Variants in VEPH1 observed in about 807,000 individuals in gnomAD.
The protein encoded by VEPH1 is ventricular zone expressed PH domain containing 1.
Under a neutral mutation model 85.2 loss-of-function variants are expected in VEPH1, and 80 were observed. The observed-to-expected ratio is 0.94, with a 90% CI of 0.78 to 1.13. The LOEUF is 1.13. Among genes scored for constraint, VEPH1 ranks in the 50% most tolerant of loss-of-function variants. VEPH1 has a pLI of 0.00. For synonymous variants in VEPH1, 297 were observed against 348.0 expected (o/e 0.85, Z 1.63); for missense variants, 955 against 980.5 (o/e 0.97, Z 0.35).
chr3:157,337,934 C>A (rs1230577752), intron 9 of VEPH1, among the ~76,000 whole-genome samples: 1 of 151,686 alleles, frequency 6.6e-6, no homozygotes, highest in African/African-American at 2.4e-5. Flanking sequence ...TCTTCAGTTA[C>A]CACTCTGGTT....
intron 6 of VEPH1, among the ~76,000 whole-genome samples, chr3:157,405,526 G>C (rs770708975): frequency 3.3e-5 from 5 of 152,098 alleles, no homozygotes; most frequent in Non-Finnish European, 5.9e-5. Flanking sequence ...CCAGCCCACT[G>C]TCCAGCCGCA....
intron 2 of VEPH1, among the ~76,000 whole-genome samples, chr3:157,473,067 C>CTTTTTTTT (rs200991031): frequency 1.1e-4 from 9 of 82,692 alleles, no homozygotes; most frequent in Non-Finnish European, 1.7e-4. Context: ...TTAAATGAAC[C>CTTTTTTTT]TTTTTTTTTT....
chr3:157,408,490 C>T (rs1309323958), intron 6 of VEPH1, among the ~76,000 whole-genome samples: 1 of 152,110 alleles, frequency 6.6e-6, no homozygotes, highest in Non-Finnish European at 1.5e-5. Context: ...TTCTCAAGTA[C>T]TCATTCAGTC....
intron 1 of VEPH1, 61 bp from the exon 2 acceptor site, chr3:157,495,567 G>A (rs1739599397): frequency 5.3e-6 from 6 of 1,121,742 alleles, no homozygotes; most frequent in South Asian, 4.7e-5. Context: ...CTCAGAATGT[G>A]AACTCAGTGT....
chr3:157,490,022 GA>G (rs1442705193), intron 2 of VEPH1, among the ~76,000 whole-genome samples: 1 of 151,672 alleles, frequency 6.6e-6, no homozygotes, highest in African/African-American at 2.4e-5. Context: ...ACATTCTTAG[GA>G]AAAATATCAT....
rs1560000948 is a variant in VEPH1 at position 157,369,179 on chromosome 3, T to TAAAAAAAAAAA, written c.1128-4668_1128-4667insTTTTTTTTTTT. On this transcript the variant is annotated intron_variant, in intron 7 of 13. Transcript: ENST00000362010. ...AACAACAACAACAACAAAAACCAAA[T>TAAAAAAAAAAA]GAAAAAAAAAAAAAAAAAAAAAAAA... Among the ~76,000 whole-genome samples, 4 of 15,054 alleles carry TAAAAAAAAAAA rather than the reference T, an allele frequency of 2.7e-4. 1 individual carries two copies. Among genetic ancestry groups the TAAAAAAAAAAA allele is most frequent in the Admixed American group, 1.1e-3 (1 of 882 alleles). The allele number at this position is 15,054 out of a possible 152,430, so 9.9% of individuals were successfully genotyped here. A position where few individuals can be genotyped will look rare whatever the true frequency, so the allele number is the denominator to read the frequency against.
chr3:157,447,000 A>G (rs1734602527), intron 4 of VEPH1, among the ~76,000 whole-genome samples: 1 of 152,264 alleles, frequency 6.6e-6, no homozygotes, highest in Non-Finnish European at 1.5e-5. Context: ...ATAATTTTCA[A>G]AAAAGTGTTT....
intron 9 of VEPH1, among the ~76,000 whole-genome samples, chr3:157,323,716 A>G (rs1460102185): frequency 6.6e-6 from 1 of 152,214 alleles, no homozygotes; most frequent in African/African-American, 2.4e-5. Flanking sequence ...GATTACTTTA[A>G]TAACACAAAT....
At chr3:157,327,806 C>T (rs770874264) in intron 9 of VEPH1, among the ~76,000 whole-genome samples, 4 of 152,158 alleles carry the variant, frequency 2.6e-5, no homozygotes, top group Non-Finnish European at 4.4e-5. Context: ...GAACAGAGTA[C>T]GACTTGCCCA....
At chr3:157,330,162 A>G (rs1386950008) in intron 9 of VEPH1, among the ~76,000 whole-genome samples, 1 of 152,194 alleles carries the variant, frequency 6.6e-6, no homozygotes, top group Non-Finnish European at 1.5e-5. Context: ...TCACAGTTCA[A>G]TTTTCCCTAT....
At chr3:157,293,467 G>A (rs558824883) in intron 11 of VEPH1, among the ~76,000 whole-genome samples, 1 of 152,244 alleles carries the variant, frequency 6.6e-6, no homozygotes, top group South Asian at 2.1e-4. Flanking sequence ...ATTTCTTCTT[G>A]GAAAATCATG....
intron 6 of VEPH1, among the ~76,000 whole-genome samples, chr3:157,405,712 A>G (rs1731090081): frequency 6.6e-6 from 1 of 152,210 alleles, no homozygotes; most frequent in Non-Finnish European, 1.5e-5. Context: ...AGCCAAACTT[A>G]TAATGCTCTC....
chr3:157,318,519 T>C (rs1403385465), intron 9 of VEPH1, among the ~76,000 whole-genome samples: 2 of 151,028 alleles, frequency 1.3e-5, no homozygotes, highest in African/African-American at 4.9e-5. Context: ...GAGCAGGAGG[T>C]GGGCTTGAGC....
At chr3:157,471,714 C>G (rs1234407236) in intron 2 of VEPH1, among the ~76,000 whole-genome samples, 2 of 142,410 alleles carry the variant, frequency 1.4e-5, no homozygotes, top group African/African-American at 2.6e-5. Context: ...GTGACCTCAT[C>G]TTTTTTTTTT....
intron 7 of VEPH1, among the ~76,000 whole-genome samples, chr3:157,371,869 G>A (rs1727528807): frequency 6.6e-6 from 1 of 152,178 alleles, no homozygotes; most frequent in African/African-American, 2.4e-5. Context: ...CGAATCTTTA[G>A]ATTCCTGAGA....
intron 1 of VEPH1, chr3:157,499,701 T>A (rs1254426673): frequency 6.6e-6 from 1 of 152,154 alleles, no homozygotes; most frequent in Non-Finnish European, 1.5e-5. Flanking sequence ...AGAGTTGTTT[T>A]TAACAGAGAA....
At chr3:157,312,484 C>G (rs1720213021) in intron 11 of VEPH1, among the ~76,000 whole-genome samples, 1 of 152,124 alleles carries the variant, frequency 6.6e-6, no homozygotes, top group Non-Finnish European at 1.5e-5. Context: ...TTAACCACCA[C>G]CACCACCACC....
At chr3:157,500,841 C>A (rs1740043499) in intron 1 of VEPH1, among the ~76,000 whole-genome samples, 1 of 152,038 alleles carries the variant, frequency 6.6e-6, no homozygotes. Flanking sequence ...GGATTCCAAG[C>A]TCAGCTATGC....
intron 9 of VEPH1, among the ~76,000 whole-genome samples, chr3:157,348,357 T>C (rs989187272): frequency 6.6e-6 from 1 of 152,218 alleles, no homozygotes; most frequent in African/African-American, 2.4e-5. Flanking sequence ...TATACTAGTT[T>C]ATATTCCCAA....
Sources: allele counts gnomAD v4.1 joint callset (sites outside exome capture counted in the v4.1 genomes callset), GRCh38; gene constraint gnomAD v4.1.1; transcripts MANE v1.5; gene names NCBI Gene and HGNC (gene_info 2026-07-23, HGNC 2026-07-21).